The following ESYT1 variants were observed in gnomAD, a reference collection of about 807,000 sequenced individuals.
ESYT1 encodes extended synaptotagmin-1.
Under a neutral mutation model 154.2 loss-of-function variants are expected in ESYT1, and 116 were observed. That is an observed-to-expected ratio of 0.75 (90% CI 0.65 to 0.88). The LOEUF is 0.88. Ranked by LOEUF, ESYT1 falls within the 40% of genes least tolerant of loss-of-function variation. The probability of loss-of-function intolerance (pLI) is 0.00; values close to 1 mark genes in which losing one functional copy is unlikely to be tolerated. For missense variants in ESYT1, 1,264 were observed against 1,379.3 expected (o/e 0.92, Z 1.32); for synonymous variants, 500 against 539.9 (o/e 0.93, Z 1.02).
intron 10 of ESYT1, 29 bp downstream of exon 10, chr12:56,132,830 G>A: frequency 6.2e-7 from 1 of 1,602,516 alleles, no homozygotes; most frequent in South Asian, 1.1e-5. Context: ...GGATTCTAAA[G>A]CCCATGCTGG....
At chr12:56,139,593 ATT>A (rs760999686) in intron 24 of ESYT1, among the ~76,000 whole-genome samples, 19 of 122,886 alleles carry the variant, frequency 1.5e-4, no homozygotes, top group East Asian at 2.2e-4. Flanking sequence ...TTGAGGGTAG[ATT>A]TTTTTTTTTT....
intron 15 of ESYT1, among the ~76,000 whole-genome samples, chr12:56,135,810 G>T (rs1316199161): frequency 6.6e-6 from 1 of 151,192 alleles, no homozygotes; most frequent in African/African-American, 2.4e-5. Flanking sequence ...AATTGCTTGA[G>T]TCCGGGAGGC....
chr12:56,131,049 A>G lies in ESYT1; in HGVS notation c.577A>G (p.Ile193Val), dbSNP rs545813777. 149 of 1,614,156 alleles carry G rather than the reference A, an allele frequency of 9.2e-5. 3 individuals carry two copies. The South Asian group carries it at 1.5e-3, about 17-fold the overall frequency. The change falls in exon 4 of 31, where the codon ATC becomes GTC. Residue 193 changes from isoleucine (I) to valine (V), a missense_variant. By Grantham distance (29) the Ile-to-Val change is conservative. Transcript: ENST00000394048. ...RVELGEKPLR[I>V]IGVKVHPGQR... ...ATTTCTCTCTCCCTAGCCATTGCGC[A>G]TCATTGGAGTCAAGGTTCACCCAGG...
rs1378715451 is a variant in ESYT1, at chr12:56,138,718, T to C, written c.2434-50T>C. 3.9e-6 allele frequency: 6 copies of C among 1,544,134 alleles called. No homozygotes were observed. The East Asian group carries it at 1.3e-4, about 35-fold the overall frequency. ...CTGTGGATATAATTTGTGAGGGGGATCTGCCTAACTAGGTCCAAATTTAAG... is the reference window on the plus strand; with the variant it reads ...CTGTGGATATAATTTGTGAGGGGGACCTGCCTAACTAGGTCCAAATTTAAG... On this transcript the variant is annotated intron_variant, in intron 22 of 30. Transcript: ENST00000394048.
rs770824811 is a variant in ESYT1 at position 56,142,943 on chromosome 12, C to T, written c.2987+10C>T. ...TTGTTCATGGTTGCCGGTGAGACCC[C>T]ATCCCTCCTGTCCTCCAGATCGCCT... On this transcript the variant is annotated intron_variant, in intron 27 of 30. Transcript: ENST00000394048. The surrounding 1 kb of genome is among the most constrained non-coding windows in gnomAD (Gnocchi z 4.1). The T allele has an allele frequency of 6.2e-7, 1 of 1,614,112 alleles. No homozygotes were observed. Among genetic ancestry groups the T allele is most frequent in the Non-Finnish European group, 8.5e-7 (1 of 1,180,010 alleles).
At chr12:56,131,194 A>C (rs1266418894) in intron 4 of ESYT1, 50 bp from the exon 5 acceptor site, 1 of 1,613,706 alleles carries the variant, frequency 6.2e-7, no homozygotes, top group Non-Finnish European at 8.5e-7. Context: ...CCTCCCCGCA[A>C]CTTCAGCCAA....
At position 56,131,556 on chromosome 12, in the gene ESYT1, T is replaced by A; in HGVS notation, c.794T>A (p.Ile265Asn). Reference sequence around the variant, plus strand: ...GTGGGGGCTGTGTCAATGTTCTTCATCCGACGCCCGGTAAGGGAAAACAAT... The same window carrying A: ...GTGGGGGCTGTGTCAATGTTCTTCAACCGACGCCCGGTAAGGGAAAACAAT... ...PFVGAVSMFF[I>N]RRPTLDINWT... The change falls in exon 6 of 31, where the codon ATC (isoleucine) becomes AAC (asparagine). Residue 265 changes from isoleucine (I) to asparagine (N), a missense_variant. Ile to Asn is a moderately radical substitution (Grantham distance 149). Transcript: ENST00000394048. The A allele has an allele frequency of 6.2e-7, 1 of 1,613,958 alleles. No individual in the cohort carries two copies. The highest frequency in any genetic ancestry group is 8.5e-7 in the Non-Finnish European group (1 of 1,180,014).
chr12:56,137,509 G>C lies in ESYT1; in HGVS notation c.1949G>C (p.Arg650Pro). Residue 650 changes from arginine to proline, a missense_variant, in exon 18 of 31, where the codon CGG becomes CCG. Transcript: ENST00000394048. ...DSQFGTEHVL[R>P]IHVLEAQDLI... ...CCGTCCCTTTTGCAGCATGTGCTTC[G>C]GATCCATGTATTAGAGGCCCAGGAC... The C allele has an allele frequency of 6.2e-7, 1 of 1,612,836 alleles. No homozygotes were observed. The highest frequency in any genetic ancestry group is 8.5e-7 in the Non-Finnish European group (1 of 1,179,142).
Position 56,131,746 on chromosome 12 carries a change from C to G in ESYT1, c.805-3C>G. 1.2e-6 allele frequency: 2 copies of G among 1,614,162 alleles called. No homozygotes were observed. Among genetic ancestry groups the G allele is most frequent in the Non-Finnish European group, 1.7e-6 (2 of 1,180,014 alleles). On this transcript the variant is annotated splice_polypyrimidine_tract_variant and splice_region_variant and intron_variant, in intron 6 of 30. Transcript: ENST00000394048. ...TGTCCTGACCCCTGCTCTTTCCCTC[C>G]AGACCCTAGACATCAACTGGACAGG...
At chr12:56,143,202 GC>G in intron 28 of ESYT1, 25 bp from the exon 29 acceptor site, 1 of 1,614,132 alleles carries the variant, frequency 6.2e-7, no homozygotes, top group South Asian at 1.1e-5. Flanking sequence ...AGGACTCCTG[GC>G]CCCTAACATC....
intron 24 of ESYT1, among the ~76,000 whole-genome samples, chr12:56,141,568 G>C (rs532081962): frequency 2.0e-5 from 3 of 152,110 alleles, no homozygotes; most frequent in African/African-American, 4.8e-5. Context: ...GTGAAACCCT[G>C]TCTCTATTAA....
chr12:56,142,421 T>A lies in ESYT1; in HGVS notation c.2729T>A (p.Leu910Gln). Residue 910 changes from leucine (L) to glutamine (Q), a missense_variant, in exon 25 of 31, where the codon CTA becomes CAA. Transcript: ENST00000394048. This position sits in a 1 kb window ranked among gnomAD's most constrained non-coding sequence, Gnocchi z 4.1. ...GGGCAGGTGCTACTGAGAGCACAGC[T>A]AGGGGTGAGTGACAGGAGATGGTGG... ...GQGQVLLRAQ[L>Q]GILVSQHSGV... is the part of the protein sequence containing the mutation. The A allele has an allele frequency of 1.9e-6, 3 of 1,611,840 alleles. No individual in the cohort carries two copies. Among genetic ancestry groups the A allele is most frequent in the Non-Finnish European group, 2.5e-6 (3 of 1,178,536 alleles).
intron 1 of ESYT1, 161 bp downstream of exon 1, chr12:56,128,870 A>AC: frequency 1.2e-6 from 1 of 830,920 alleles, no homozygotes; most frequent in Non-Finnish European, 1.8e-6. Context: ...TGGACGCGCC[A>AC]CTCTTGGAAC....
chr12:56,128,676 T>G lies in ESYT1; in HGVS notation c.357T>G (p.Thr119=). Residue 119 remains threonine, a synonymous_variant, in exon 1 of 31, where the codon ACT becomes ACG. Transcript: ENST00000394048. ...ACGAGGAGCAGCTCACTGCGAAAAC[T>G]CTCTATATGAGTCATCGAGAGCTAC... The part of the protein sequence containing the change: ...LDDEEQLTAK[T]LYMSHRELPA... 1 of 1,613,960 alleles carries G rather than the reference T, an allele frequency of 6.2e-7. No homozygotes were observed. Among genetic ancestry groups the G allele is most frequent in the Non-Finnish European group, 8.5e-7 (1 of 1,179,994 alleles).
intron 13 of ESYT1, 73 bp from the exon 14 acceptor site, chr12:56,134,037 G>A (rs762396739): frequency 1.3e-6 from 2 of 1,584,554 alleles, no homozygotes. Flanking sequence ...ATTCTGATGC[G>A]ATCCCACCTT....
rs948500248 is a variant in ESYT1, at chr12:56,136,738, C to T, written c.1633-6C>T. The T allele has an allele frequency of 1.9e-6, 3 of 1,596,728 alleles. No individual in the cohort carries two copies. The African/African-American group carries it at 4.0e-5, about 22-fold the overall frequency. On this transcript the variant is annotated splice_region_variant and splice_polypyrimidine_tract_variant and intron_variant, in intron 15 of 30. Coordinates refer to ENST00000394048, the MANE Select transcript of ESYT1 (RefSeq NM_015292.3). Reference sequence around the variant, plus strand: ...TTCACTACAGTCCTTCCTCCTGTGCCTGTAGGTGAAGGATGATTCCAGGGC... The same window carrying T: ...TTCACTACAGTCCTTCCTCCTGTGCTTGTAGGTGAAGGATGATTCCAGGGC...
chr12:56,134,521 C>T, intron 15 of ESYT1, 93 bp downstream of exon 15: 1 of 1,094,910 alleles, frequency 9.1e-7, no homozygotes, highest in Non-Finnish European at 1.4e-6. Context: ...CCCTTGATTC[C>T]TATTTTTAAT....
intron 1 of ESYT1, chr12:56,128,963 G>T: frequency 1.9e-6 from 1 of 524,934 alleles, no homozygotes; most frequent in East Asian, 3.4e-5. Context: ...CTCTACTTGG[G>T]CAACAGCAGT....
chr12:56,137,897 G>A lies in ESYT1; in HGVS notation c.2181G>A (p.Lys727=), dbSNP rs1447301452. 3 of 1,614,104 alleles carry A rather than the reference G, an allele frequency of 1.9e-6. No individual in the cohort carries two copies. Among genetic ancestry groups the A allele is most frequent in the East Asian group, 2.2e-5 (1 of 44,896 alleles). Residue 727 remains lysine (K), a synonymous_variant, in exon 19 of 31, where the codon AAG becomes AAA. Coordinates refer to ENST00000394048, the MANE Select transcript of ESYT1 (RefSeq NM_015292.3). ...AAGTCTTTGACAAGGACTTGGACAA[G>A]GATGATTTTCTGGGCAGGTGAGAGC... ...EVEVFDKDLD[K]DDFLGRCKVR...
Sources: gnomAD v4.1 joint callset for allele counts (sites outside exome capture counted in the v4.1 genomes callset) on GRCh38, gnomAD v4.1.1 for gene constraint, Gnocchi (gnomAD v3.1) non-coding constraint, MANE v1.5 for transcripts, NCBI Gene and HGNC (gene_info 2026-07-23, HGNC 2026-07-21) for gene names.